The following ADCY9 variants were observed in gnomAD, a reference collection of about 807,000 sequenced individuals.
ADCY9 encodes adenylate cyclase type 9.
ADCY9 carries 50 observed loss-of-function variants against 101.5 expected under a neutral mutation model. The observed-to-expected ratio is 0.49, with a 90% confidence interval of 0.39 to 0.62. The LOEUF (loss-of-function observed/expected upper bound fraction) is 0.62. Among genes scored for constraint, ADCY9 ranks in the 20% least tolerant of loss-of-function variants. The probability of loss-of-function intolerance (pLI) is 0.00; values close to 1 mark genes in which losing one functional copy is unlikely to be tolerated. For synonymous variants in ADCY9, 905 were observed against 769.3 expected (o/e 1.18, Z -2.92); for missense variants, 1,662 against 1,800.4 (o/e 0.92, Z 1.39).
At chr16:4,011,697 G>A (rs576380235) in intron 2 of ADCY9, among the ~76,000 whole-genome samples, 1 of 151,620 alleles carries the variant, frequency 6.6e-6, no homozygotes, top group Non-Finnish European at 1.5e-5. Context: ...TAAGGGGAGG[G>A]CAGGAGCAGA....
intron 2 of ADCY9, among the ~76,000 whole-genome samples, chr16:4,047,566 C>A (rs1205929754): frequency 6.6e-6 from 1 of 151,986 alleles, no homozygotes; most frequent in Admixed American, 6.5e-5. Context: ...GTTAGACGCA[C>A]ACTGGTATTC....
intron 2 of ADCY9, among the ~76,000 whole-genome samples, chr16:4,088,590 T>G (rs2141186822): frequency 6.6e-6 from 1 of 152,014 alleles, no homozygotes; most frequent in South Asian, 2.1e-4. Flanking sequence ...AAACCAAGAT[T>G]CTTAATCTCA....
intron 5 of ADCY9, among the ~76,000 whole-genome samples, chr16:3,990,569 C>T (rs1025095466): frequency 2.0e-5 from 3 of 152,130 alleles, no homozygotes; most frequent in Non-Finnish European, 4.4e-5. Context: ...GTCCTTGCAG[C>T]ACGGCGGACA....
At chr16:3,968,628 T>C (rs1156473847) in intron 10 of ADCY9, among the ~76,000 whole-genome samples, 1 of 152,178 alleles carries the variant, frequency 6.6e-6, no homozygotes, top group Non-Finnish European at 1.5e-5. Flanking sequence ...CTGTGCAGTG[T>C]TCCAGCACTC....
At chr16:3,981,932 A>C (rs17794327) in intron 7 of ADCY9, 8,384 of 152,244 alleles carry the variant, frequency 0.055, 333 homozygotes, top group Admixed American at 0.086. Flanking sequence ...GAGGAAAAAC[A>C]AACCAACCAG....
chr16:3,988,552 G>A (rs1369508150), intron 6 of ADCY9, among the ~76,000 whole-genome samples: 1 of 127,398 alleles, frequency 7.8e-6, no homozygotes, highest in Non-Finnish European at 1.7e-5. Context: ...GGCAGGTGGG[G>A]AGGGGTTCCT....
At chr16:4,068,772 G>A (rs1050553020) in intron 2 of ADCY9, among the ~76,000 whole-genome samples, 13 of 149,658 alleles carry the variant, frequency 8.7e-5, no homozygotes, top group Non-Finnish European at 1.5e-4. Context: ...AGCCAAGATC[G>A]AGCCACTGCA....
At chr16:3,975,399 G>A (rs537118069) in intron 9 of ADCY9, among the ~76,000 whole-genome samples, 1 of 152,188 alleles carries the variant, frequency 6.6e-6, no homozygotes, top group South Asian at 2.1e-4. Context: ...TTTGTATTGT[G>A]ATTCTTTTCT....
At chr16:4,090,762 A>T (rs2056968313) in intron 2 of ADCY9, among the ~76,000 whole-genome samples, 1 of 151,394 alleles carries the variant, frequency 6.6e-6, no homozygotes, top group Non-Finnish European at 1.5e-5. Context: ...CTTGCCCTAG[A>T]TACCAACTGT....
intron 2 of ADCY9, among the ~76,000 whole-genome samples, chr16:4,008,128 C>T (rs533686983): frequency 2.0e-5 from 3 of 151,910 alleles, no homozygotes; most frequent in Non-Finnish European, 4.4e-5. Flanking sequence ...GATTCAAACA[C>T]TCACCCCAGG....
chr16:4,077,116 G>C (rs565762743), intron 2 of ADCY9, among the ~76,000 whole-genome samples: 1 of 151,062 alleles, frequency 6.6e-6, no homozygotes, highest in African/African-American at 2.4e-5. Flanking sequence ...TTCTGTACAC[G>C]CTTTCCACAG....
At chr16:4,048,089 G>A (rs1191379480) in intron 2 of ADCY9, among the ~76,000 whole-genome samples, 2 of 134,500 alleles carry the variant, frequency 1.5e-5, no homozygotes, top group Non-Finnish European at 3.2e-5. Context: ...TGGGAAGGGC[G>A]CCAAAGAGAG....
rs539760365 is a variant in ADCY9, at chr16:4,084,589, G to C, written c.1693+29161C>G. On this transcript the variant is annotated intron_variant, in intron 2 of 10. Coordinates refer to ENST00000294016, the MANE Select transcript of ADCY9 (RefSeq NM_001116.4). ...AAAAATTCAGAAAGTTTAAAAATTAGGTGGTGCACACCTCTAGCTCCAGCT... is the reference window on the plus strand; with the variant it reads ...AAAAATTCAGAAAGTTTAAAAATTACGTGGTGCACACCTCTAGCTCCAGCT... Among the ~76,000 whole-genome samples, 8 of 152,114 alleles carry C rather than the reference G, an allele frequency of 5.3e-5. No homozygotes were observed. The South Asian group carries it at 1.7e-3, about 32-fold the overall frequency.
intron 2 of ADCY9, among the ~76,000 whole-genome samples, chr16:4,096,720 C>T (rs2057006131): frequency 6.6e-6 from 1 of 152,182 alleles, no homozygotes; most frequent in African/African-American, 2.4e-5. Flanking sequence ...AGTGTCATAG[C>T]CTTAATGGTA....
In ADCY9 at chr16:4,057,748, G is replaced by A. The variant is rs116879164; in HGVS notation, c.1694-50190C>T. 2.0e-3 allele frequency among the ~76,000 whole-genome samples: 308 copies of A among 152,282 alleles called. 1 individual carries two copies. Among genetic ancestry groups the A allele is most frequent in the Non-Finnish European group, 3.6e-3 (244 of 68,020 alleles). On this transcript the variant is annotated intron_variant, in intron 2 of 10. Transcript: ENST00000294016. ...ACGACACCAGGAAGCGGAGGCCCGG[G>A]GAGCATTTACGGCGTGTTCTCGATG...
At chr16:4,063,740 C>T (rs2056785591) in intron 2 of ADCY9, among the ~76,000 whole-genome samples, 1 of 150,976 alleles carries the variant, frequency 6.6e-6, no homozygotes, top group South Asian at 2.1e-4. Context: ...CCTGAGTTTC[C>T]ACCTTAAGAA....
At chr16:3,987,746 C>T (rs556992961) in intron 6 of ADCY9, among the ~76,000 whole-genome samples, 3 of 152,178 alleles carry the variant, frequency 2.0e-5, no homozygotes, top group African/African-American at 4.8e-5. Context: ...CAGGACACCA[C>T]GGAGTTTAAT....
At chr16:4,008,767 C>T (rs775275510) in intron 2 of ADCY9, among the ~76,000 whole-genome samples, 1 of 152,066 alleles carries the variant, frequency 6.6e-6, no homozygotes, top group Non-Finnish European at 1.5e-5. Flanking sequence ...TTCTCCATGT[C>T]GGCCAGACTG....
intron 2 of ADCY9, among the ~76,000 whole-genome samples, chr16:4,011,700 G>A (rs1179358990): frequency 6.6e-6 from 1 of 152,146 alleles, no homozygotes; most frequent in Non-Finnish European, 1.5e-5. Flanking sequence ...GGGGAGGGCA[G>A]GAGCAGAGCT....
Sources: allele counts gnomAD v4.1 joint callset (sites outside exome capture counted in the v4.1 genomes callset), GRCh38; gene constraint gnomAD v4.1.1; transcripts MANE v1.5; gene names NCBI Gene and HGNC (gene_info 2026-07-23, HGNC 2026-07-21).